SLC13A4: variants seen among roughly 807,000 people sequenced by gnomAD.
SLC13A4 encodes Na(+)/sulfate cotransporter SUT-1.
In SLC13A4, 28 loss-of-function variants were observed where a neutral mutation model predicts 72.7. The ratio of observed to expected loss-of-function variants is 0.39; its 90% confidence interval spans 0.29 to 0.53. SLC13A4 has a LOEUF of 0.53. SLC13A4 is among the 20% of genes least tolerant of loss of function. The pLI is 0.78. For synonymous variants in SLC13A4, 312 were observed against 325.5 expected (o/e 0.96, Z 0.45); for missense variants, 653 against 788.0 (o/e 0.83, Z 2.05).
At chr7:135,682,286 C>G (rs1181209457) in intron 15 of SLC13A4, among the ~76,000 whole-genome samples, 1 of 152,206 alleles carries the variant, frequency 6.6e-6, no homozygotes, top group African/African-American at 2.4e-5. Context: ...GGGAATTACA[C>G]CTCAGTGACT....
intron 2 of SLC13A4, among the ~76,000 whole-genome samples, chr7:135,721,132 G>A (rs1325275935): frequency 6.6e-6 from 1 of 152,192 alleles, no homozygotes; most frequent in African/African-American, 2.4e-5. Context: ...GACCGAGGGA[G>A]CAACTGGATG....
At chr7:135,690,264 C>T (rs1028154988) in intron 13 of SLC13A4, among the ~76,000 whole-genome samples, 1 of 148,912 alleles carries the variant, frequency 6.7e-6, no homozygotes, top group African/African-American at 2.5e-5. Flanking sequence ...GAGAAATAGT[C>T]TGAACCTTAA....
chr7:135,698,468 G>T (rs897796951), intron 8 of SLC13A4, among the ~76,000 whole-genome samples: 1 of 149,092 alleles, frequency 6.7e-6, no homozygotes, highest in African/African-American at 2.5e-5. Flanking sequence ...CTAAGTAGCG[G>T]GGATTACAGG....
chr7:135,687,927 C>G (rs1795674357), intron 13 of SLC13A4, among the ~76,000 whole-genome samples: 1 of 152,030 alleles, frequency 6.6e-6, no homozygotes, highest in East Asian at 1.9e-4. Flanking sequence ...TCTCATGCCT[C>G]AGCCTCTTGG....
chr7:135,720,217 T>G (rs897551673), intron 2 of SLC13A4, among the ~76,000 whole-genome samples: 1 of 152,142 alleles, frequency 6.6e-6, no homozygotes, highest in Non-Finnish European at 1.5e-5. Flanking sequence ...GTGTACATAG[T>G]GCCATGAAGC....
intron 2 of SLC13A4, among the ~76,000 whole-genome samples, chr7:135,718,090 C>T (rs1194729587): frequency 6.6e-6 from 1 of 150,686 alleles, no homozygotes; most frequent in African/African-American, 2.5e-5. Flanking sequence ...CACACACACG[C>T]GCGCGCGCGC....
chr7:135,714,302 T>C (rs553778798), intron 2 of SLC13A4, among the ~76,000 whole-genome samples: 1 of 152,324 alleles, frequency 6.6e-6, no homozygotes, highest in African/African-American at 2.4e-5. Flanking sequence ...CTGGAGACAC[T>C]GATTCATAAC....
At chr7:135,711,916 A>C (rs906126200) in intron 2 of SLC13A4, among the ~76,000 whole-genome samples, 3 of 148,642 alleles carry the variant, frequency 2.0e-5, no homozygotes, top group Admixed American at 6.7e-5. Flanking sequence ...TAGAAAAACT[A>C]AGGAAACCTC....
At chr7:135,711,010 G>A (rs1584734540) in intron 2 of SLC13A4, among the ~76,000 whole-genome samples, 1 of 146,368 alleles carries the variant, frequency 6.8e-6, no homozygotes, top group South Asian at 2.5e-4. Context: ...TGGGGTTGGG[G>A]GAGCGGCCCC....
At chr7:135,687,367 T>C (rs1372232787) in intron 13 of SLC13A4, among the ~76,000 whole-genome samples, 1 of 152,126 alleles carries the variant, frequency 6.6e-6, no homozygotes, top group Non-Finnish European at 1.5e-5. Flanking sequence ...CTGCTACACA[T>C]GTTTTACTAT....
intron 7 of SLC13A4, among the ~76,000 whole-genome samples, chr7:135,700,433 G>A (rs1252576208): frequency 6.6e-6 from 1 of 152,124 alleles, no homozygotes; most frequent in Non-Finnish European, 1.5e-5. Flanking sequence ...AAGAACCAAT[G>A]GGGAAGCGCC....
At chr7:135,700,529 A>G (rs1796007901) in intron 7 of SLC13A4, among the ~76,000 whole-genome samples, 1 of 152,198 alleles carries the variant, frequency 6.6e-6, no homozygotes, top group South Asian at 2.1e-4. Context: ...GACCTCTAAA[A>G]GATCCATTGA....
intron 5 of SLC13A4, chr7:135,705,243 C>T (rs943222988): frequency 2.8e-5 from 6 of 211,136 alleles, no homozygotes; most frequent in South Asian, 1.4e-4. Flanking sequence ...AACGGTTTTC[C>T]GTTAACAAAT....
At chr7:135,713,766 G>A (rs543269609) in intron 2 of SLC13A4, among the ~76,000 whole-genome samples, 3 of 152,178 alleles carry the variant, frequency 2.0e-5, no homozygotes, top group East Asian at 1.9e-4. Flanking sequence ...CAGTAGAGAC[G>A]GGGTTTCGCC....
rs200639496 is a variant in SLC13A4, at chr7:135,715,374, TGTGTGA to T, written c.228+6015_228+6020del. 5.5e-3 allele frequency among the ~76,000 whole-genome samples: 510 copies of T among 92,456 alleles called. 3 individuals are homozygous for T. The highest frequency in any genetic ancestry group is 0.022 in the African/African-American group (472 of 21,328). The allele number at this position is 92,456 out of a possible 152,430, so 60.7% of individuals were successfully genotyped here. On this transcript the variant is annotated intron_variant, in intron 2 of 15. Coordinates refer to ENST00000682651, the MANE Select transcript of SLC13A4 (RefSeq NM_001318192.2). ...GTGTGTATGAGTGTATGTGTATGAGTGTGTGAGTGTGTATGTGTGAACATGTGTGTA... is the reference window on the plus strand; with the variant it reads ...GTGTGTATGAGTGTATGTGTATGAGTGTGTGTATGTGTGAACATGTGTGTA...
chr7:135,727,370 C>A, intron 1 of SLC13A4, 28 bp downstream of exon 1: 2 of 1,545,448 alleles, frequency 1.3e-6, no homozygotes, highest in East Asian at 2.5e-5. Flanking sequence ...GACTCCCAGA[C>A]CCCCGGTGGG....
chr7:135,710,988 T>TG (rs2129494995), intron 2 of SLC13A4, among the ~76,000 whole-genome samples: 1 of 884 alleles, frequency 1.1e-3, no homozygotes, highest in Admixed American at 0.02. Flanking sequence ...ATCATGGTGG[T>TG]GGGGGCGGGG....
rs1053385917 is a variant in SLC13A4, at chr7:135,721,548, C to A, written c.100-25G>T. On this transcript the variant is annotated intron_variant, in intron 1 of 15. Coordinates refer to ENST00000682651, the MANE Select transcript of SLC13A4 (RefSeq NM_001318192.2). ...CCTGCAAGGCAAGGAAAGGGGCCGTCATTCACAGGAATAGTCACTGCCACT... is the reference window on the plus strand; with the variant it reads ...CCTGCAAGGCAAGGAAAGGGGCCGTAATTCACAGGAATAGTCACTGCCACT... 2.5e-6 allele frequency: 4 copies of A among 1,612,818 alleles called. No individual in the cohort carries two copies. The African/African-American group carries it at 5.3e-5, about 22-fold the overall frequency.
At position 135,705,420 on chromosome 7, in the gene SLC13A4, C is replaced by T. The variant is rs1584730272; in HGVS notation, c.593+176G>A. On this transcript the variant is annotated intron_variant, in intron 5 of 15. Coordinates refer to ENST00000682651, the MANE Select transcript of SLC13A4 (RefSeq NM_001318192.2). ...TGACTCTCCAGGTCCTGACAGGTCA[C>T]TCCTAGGTATGGAGAGGAAATGGGG... is the stretch of plus-strand genomic sequence containing the variant. The T allele has an allele frequency of 1.4e-4, 82 of 572,142 alleles. 5 individuals are homozygous for T. The South Asian group carries it at 1.7e-3, about 12-fold the overall frequency. The allele number at this position is 572,142 out of a possible 1,614,324, so 35.4% of individuals were successfully genotyped here.
Sources: allele counts gnomAD v4.1 joint callset (sites outside exome capture counted in the v4.1 genomes callset), GRCh38; gene constraint gnomAD v4.1.1; transcripts MANE v1.5; gene names NCBI Gene and HGNC (gene_info 2026-07-23, HGNC 2026-07-21).